The following CSMD1 variants were observed in gnomAD, a reference collection of about 807,000 sequenced individuals.
CSMD1 encodes CUB and sushi domain-containing protein 1.
CSMD1 carries 213 observed loss-of-function variants against 417.5 expected under a neutral mutation model. That is an observed-to-expected ratio of 0.51 (90% CI 0.46 to 0.57). CSMD1 has a LOEUF of 0.57. Among genes scored for constraint, CSMD1 ranks in the 20% least tolerant of loss-of-function variants. CSMD1 has a pLI of 0.00. For missense variants in CSMD1, 6,923 were observed against 4,529.7 expected, an observed-to-expected ratio of 1.53 and a Z score of -15.17; for synonymous variants, 2,862 against 1,736.8, an observed-to-expected ratio of 1.65 and a Z score of -16.11.
intron 3 of CSMD1, among the ~76,000 whole-genome samples, chr8:4,160,947 G>C (rs1017158617): frequency 1.3e-5 from 2 of 152,134 alleles, no homozygotes; most frequent in East Asian, 1.9e-4. Flanking sequence ...TACCTCATCA[G>C]ATGTATTTAT....
intron 51 of CSMD1, among the ~76,000 whole-genome samples, chr8:3,024,960 G>C (rs1563250820): frequency 1.3e-5 from 2 of 152,120 alleles, no homozygotes; most frequent in African/African-American, 4.8e-5. Flanking sequence ...CCCTAAAACT[G>C]TGTATTGTGT....
intron 11 of CSMD1, among the ~76,000 whole-genome samples, chr8:3,471,138 G>A (rs1280005867): frequency 3.3e-5 from 5 of 152,176 alleles, no homozygotes. Context: ...CAGTGTGTGA[G>A]CACCCCAGAT....
At chr8:3,270,525 G>C (rs185962773) in intron 26 of CSMD1, among the ~76,000 whole-genome samples, 14 of 152,228 alleles carry the variant, frequency 9.2e-5, no homozygotes, top group Admixed American at 1.3e-4. Context: ...ATTTCCAACT[G>C]GTATCAAAAT....
At chr8:4,541,636 T>A (rs181750489) in intron 2 of CSMD1, among the ~76,000 whole-genome samples, 62 of 152,152 alleles carry the variant, frequency 4.1e-4, no homozygotes, top group Middle Eastern at 3.4e-3. Context: ...TAATCCCAAC[T>A]ACTCAGGAGG....
At chr8:4,236,434 C>G (rs1211293861) in intron 3 of CSMD1, among the ~76,000 whole-genome samples, 2 of 152,202 alleles carry the variant, frequency 1.3e-5, no homozygotes, top group East Asian at 1.9e-4. Context: ...CTCCTACACC[C>G]CGGGTAACAC....
chr8:4,417,431 G>C (rs186238498), intron 3 of CSMD1, among the ~76,000 whole-genome samples: 2 of 151,942 alleles, frequency 1.3e-5, no homozygotes, highest in South Asian at 2.1e-4. Context: ...AACTTTGGAA[G>C]ATTCTTCTCC....
At chr8:4,565,785 TATATATATATATGTATAC>T (rs1798577626) in intron 2 of CSMD1, among the ~76,000 whole-genome samples, 1 of 60,780 alleles carries the variant, frequency 1.6e-5, no homozygotes, top group African/African-American at 4.3e-5. Context: ...TATATATATA[TATATATATATATGTATAC>T]ATATATATAT....
chr8:4,462,995 T>A (rs1338038560), intron 2 of CSMD1, among the ~76,000 whole-genome samples: 2 of 152,132 alleles, frequency 1.3e-5, no homozygotes, highest in African/African-American at 4.8e-5. Context: ...CAAAAAACAT[T>A]AGAACAGAAA....
At chr8:3,975,322 G>C (rs908967231) in intron 5 of CSMD1, among the ~76,000 whole-genome samples, 4 of 152,108 alleles carry the variant, frequency 2.6e-5, no homozygotes, top group Non-Finnish European at 4.4e-5. Flanking sequence ...CCTTAGAACA[G>C]TTTGGATGTT....
intron 1 of CSMD1, among the ~76,000 whole-genome samples, chr8:4,829,432 C>T (rs1800013600): frequency 6.6e-6 from 1 of 152,104 alleles, no homozygotes; most frequent in Non-Finnish European, 1.5e-5. Flanking sequence ...CTGAACATCT[C>T]AACTCAGCAG....
intron 1 of CSMD1, among the ~76,000 whole-genome samples, chr8:4,663,983 G>C (rs567784028): frequency 6.6e-6 from 1 of 152,142 alleles, no homozygotes; most frequent in African/African-American, 2.4e-5. Flanking sequence ...AGTGGCTCCT[G>C]TTGTTTCTGG....
intron 18 of CSMD1, among the ~76,000 whole-genome samples, chr8:3,382,929 A>T (rs1810730052): frequency 6.6e-6 from 1 of 152,178 alleles, no homozygotes. Context: ...AAAAAACCCA[A>T]AACTAAATGA....
intron 5 of CSMD1, among the ~76,000 whole-genome samples, chr8:3,961,693 GAA>G (rs1261556289): frequency 6.6e-6 from 1 of 152,094 alleles, no homozygotes; most frequent in East Asian, 1.9e-4. Context: ...CTTCAAAAAA[GAA>G]AAAGATTGCT....
At chr8:3,271,784 T>G (rs1433533162) in intron 26 of CSMD1, among the ~76,000 whole-genome samples, 3 of 152,144 alleles carry the variant, frequency 2.0e-5, no homozygotes, top group African/African-American at 7.2e-5. Flanking sequence ...GTTGTTTGTT[T>G]TTTTCTTGTA....
At chr8:4,569,625 G>C (rs1563295573) in intron 2 of CSMD1, among the ~76,000 whole-genome samples, 1 of 152,044 alleles carries the variant, frequency 6.6e-6, no homozygotes, top group Admixed American at 6.6e-5. Context: ...TTAGCTATAC[G>C]GGCTCTTTTT....
chr8:4,632,924 C>A (rs770416196), intron 2 of CSMD1, among the ~76,000 whole-genome samples: 2 of 152,186 alleles, frequency 1.3e-5, no homozygotes, highest in African/African-American at 2.4e-5. Context: ...ATCTGTGCAA[C>A]TGAACAAGGA....
chr8:4,152,181 T>A (rs1475971876), intron 3 of CSMD1, among the ~76,000 whole-genome samples: 4 of 152,158 alleles, frequency 2.6e-5, no homozygotes, highest in Non-Finnish European at 5.9e-5. Flanking sequence ...GTAGCTAACA[T>A]AGTTCTTACA....
chr8:4,108,858 C>G (rs1801706242), intron 3 of CSMD1, among the ~76,000 whole-genome samples: 1 of 152,178 alleles, frequency 6.6e-6, no homozygotes, highest in Non-Finnish European at 1.5e-5. Flanking sequence ...CAACATCAGC[C>G]TATCTGCAAG....
In CSMD1 at chr8:4,294,211, T is replaced by A. The variant is rs183857434; in HGVS notation, c.415+125742A>T. ...CACCCCAATTTCAGGGACACCAAAA[T>A]GCGGGAGAAACTGAACATCTCTGAA... On this transcript the variant is annotated intron_variant, in intron 3 of 69. Coordinates refer to ENST00000635120, the MANE Select transcript of CSMD1 (RefSeq NM_033225.6). Among the ~76,000 whole-genome samples the A allele has an allele frequency of 1.2e-4, 19 of 152,296 alleles. No individual in the cohort carries two copies. In the East Asian group the frequency reaches 3.5e-3, roughly 28 times the overall value.
Sources: allele counts gnomAD v4.1 joint callset (sites outside exome capture counted in the v4.1 genomes callset), GRCh38; gene constraint gnomAD v4.1.1; transcripts MANE v1.5; gene names NCBI Gene and HGNC (gene_info 2026-07-23, HGNC 2026-07-21).